Variants in DPP6 observed in about 807,000 individuals in gnomAD.
The protein encoded by DPP6 is dipeptidyl peptidase like 6.
A neutral mutation model predicts 122.6 loss-of-function variants in DPP6; 69 were observed. That is an observed-to-expected ratio of 0.56 (90% CI 0.46 to 0.69). The LOEUF (loss-of-function observed/expected upper bound fraction) is 0.69. Ranked by LOEUF, DPP6 falls within the 30% of genes least tolerant of loss-of-function variation. The pLI, the probability that DPP6 is intolerant of heterozygous loss-of-function variation, is 0.00. For missense variants in DPP6, 928 were observed against 1,116.9 expected, an observed-to-expected ratio of 0.83 and a Z score of 2.41; for synonymous variants, 418 against 433.1, an observed-to-expected ratio of 0.97 and a Z score of 0.43.
Position 154,806,987 on chromosome 7 carries a change from C to G in DPP6, c.1548-7C>G. ...CACATTCACACCTGCGTCCTTTGCT[C>G]TTCCAGTGCCAACACGGTGGGCAAC... On this transcript the variant is annotated splice_region_variant and splice_polypyrimidine_tract_variant and intron_variant, in intron 15 of 25. Transcript: ENST00000377770. 1 of 1,613,648 alleles carries G rather than the reference C, an allele frequency of 6.2e-7. No homozygotes were observed. Among genetic ancestry groups the G allele is most frequent in the Non-Finnish European group, 8.5e-7 (1 of 1,179,724 alleles).
the DPP6 span, among the ~76,000 whole-genome samples, chr7:153,757,296 G>A: frequency 1.3e-5 from 2 of 152,168 alleles, no homozygotes; most frequent in African/African-American, 4.8e-5. Context: ...AAGGCATTTA[G>A]GCATTATGAG....
At chr7:154,596,099 G>A (rs1833076529) in intron 5 of DPP6, among the ~76,000 whole-genome samples, 1 of 152,222 alleles carries the variant, frequency 6.6e-6, no homozygotes, top group Non-Finnish European at 1.5e-5. Flanking sequence ...CTGACATTCA[G>A]TAGGATTTGC....
At chr7:153,757,913 C>T in the DPP6 span, among the ~76,000 whole-genome samples, 639 of 152,234 alleles carry the variant, frequency 4.2e-3, 7 homozygotes, top group African/African-American at 0.015. Context: ...GAGCCAAGAT[C>T]GTGCCACTGC....
At chr7:153,874,250 A>G in the DPP6 span, among the ~76,000 whole-genome samples, 17 of 125,370 alleles carry the variant, frequency 1.4e-4, 1 homozygote, top group Admixed American at 1.2e-3. Context: ...GCGTGCGCAC[A>G]TGCACACACA....
chr7:153,916,276 T>C (rs1044664235), intron 1 of DPP6, among the ~76,000 whole-genome samples: 7 of 151,604 alleles, frequency 4.6e-5, no homozygotes, highest in Non-Finnish European at 1.0e-4. Context: ...CCCGGCCCTC[T>C]GATTTTTAAA....
chr7:154,810,511 G>A (rs1366616007), intron 16 of DPP6, among the ~76,000 whole-genome samples: 1 of 152,144 alleles, frequency 6.6e-6, no homozygotes, highest in African/African-American at 2.4e-5. Context: ...CTGTCCCAAG[G>A]GAGATTCGTA....
chr7:154,583,527 C>T (rs1177225053), intron 5 of DPP6, among the ~76,000 whole-genome samples: 3 of 152,164 alleles, frequency 2.0e-5, no homozygotes, highest in Non-Finnish European at 4.4e-5. Context: ...TCACCCTGGG[C>T]AACTTAACCT....
chr7:154,412,941 C>G (rs951490759), intron 1 of DPP6, among the ~76,000 whole-genome samples: 1 of 152,220 alleles, frequency 6.6e-6, no homozygotes, highest in African/African-American at 2.4e-5. Flanking sequence ...TGAGAAACAC[C>G]TTTCTTAGGG....
intron 1 of DPP6, among the ~76,000 whole-genome samples, chr7:154,379,935 C>G (rs1351381238): frequency 6.6e-6 from 1 of 152,094 alleles, no homozygotes; most frequent in Non-Finnish European, 1.5e-5. Context: ...TTAAGTGAAT[C>G]TAATCATGAG....
At chr7:154,520,218 T>G (rs763650456) in intron 3 of DPP6, among the ~76,000 whole-genome samples, 5 of 152,254 alleles carry the variant, frequency 3.3e-5, no homozygotes, top group Non-Finnish European at 7.3e-5. Flanking sequence ...CTCAAATTTA[T>G]TTATTTTCCA....
intron 1 of DPP6, among the ~76,000 whole-genome samples, chr7:154,336,443 C>T (rs373862810): frequency 2.5e-4 from 38 of 152,166 alleles, no homozygotes; most frequent in African/African-American, 6.7e-4. Context: ...ACTGGGCAGG[C>T]GGGGTATGGA....
chr7:153,996,672 A>G (rs902467171), intron 1 of DPP6, among the ~76,000 whole-genome samples: 2 of 152,020 alleles, frequency 1.3e-5, no homozygotes, highest in African/African-American at 2.4e-5. Context: ...GCCCTCTTGA[A>G]TAATGTCCTT....
chr7:154,736,614 C>T (rs896408755), intron 8 of DPP6, among the ~76,000 whole-genome samples: 3 of 152,224 alleles, frequency 2.0e-5, no homozygotes, highest in African/African-American at 7.2e-5. Flanking sequence ...AGGCTACTGA[C>T]ATCATGTCTG....
intron 1 of DPP6, among the ~76,000 whole-genome samples, chr7:154,279,477 T>A (rs1804362846): frequency 1.3e-5 from 2 of 152,320 alleles, no homozygotes; most frequent in South Asian, 4.1e-4. Flanking sequence ...GACAACGCCT[T>A]GGAAGCGTGT....
intron 1 of DPP6, among the ~76,000 whole-genome samples, chr7:154,356,666 G>A (rs1811294621): frequency 6.6e-6 from 1 of 151,738 alleles, no homozygotes; most frequent in Admixed American, 6.6e-5. Flanking sequence ...TGAATTCCAT[G>A]GGCTTCTCAA....
At chr7:154,493,368 C>A (rs1411921447) in intron 3 of DPP6, among the ~76,000 whole-genome samples, 1 of 152,190 alleles carries the variant, frequency 6.6e-6, no homozygotes, top group Non-Finnish European at 1.5e-5. Context: ...AGACCTGCAA[C>A]TTTCCGTGGT....
chr7:154,852,474 G>C (rs113653066), intron 16 of DPP6, among the ~76,000 whole-genome samples: 97 of 139,166 alleles, frequency 7.0e-4, no homozygotes, highest in Non-Finnish European at 1.2e-3. Flanking sequence ...GGCTCTCCTG[G>C]CTCTCCTGCC....
In DPP6 at chr7:154,483,005, C is replaced by A. The variant is rs951951092; in HGVS notation, c.457+7968C>A. Among the ~76,000 whole-genome samples the A allele has an allele frequency of 6.6e-6, 1 of 151,952 alleles. No homozygotes were observed. The highest frequency in any genetic ancestry group is 2.4e-5 in the African/African-American group (1 of 41,348). On this transcript the variant is annotated intron_variant, in intron 3 of 25. Coordinates refer to ENST00000377770, the MANE Select transcript of DPP6 (RefSeq NM_130797.4). The surrounding 1 kb of genome is among the most constrained non-coding windows in gnomAD (Gnocchi z 8.1). The stretch of plus-strand genomic sequence containing the variant: ...GGAAATGTTCGTTAGGTATTGAGAA[C>A]TGGGGATGAAGCCAGGTGAGAGGTT...
chr7:154,496,493 G>A (rs1824750852), intron 3 of DPP6, among the ~76,000 whole-genome samples: 1 of 152,158 alleles, frequency 6.6e-6, no homozygotes, highest in Non-Finnish European at 1.5e-5. Context: ...TTTACTGTGG[G>A]GTTACTCCTC....
Sources: allele counts gnomAD v4.1 joint callset (sites outside exome capture counted in the v4.1 genomes callset), GRCh38; gene constraint gnomAD v4.1.1; non-coding constraint Gnocchi (gnomAD v3.1); transcripts MANE v1.5; gene names NCBI Gene and HGNC (gene_info 2026-07-23, HGNC 2026-07-21).